The following IQCB1 variants were observed in gnomAD, a reference collection of about 807,000 sequenced individuals.
IQCB1 encodes the protein IQ motif containing B1.
A neutral mutation model predicts 84.4 loss-of-function variants in IQCB1; 56 were observed. That is an observed-to-expected ratio of 0.66 (90% CI 0.54 to 0.83). The LOEUF is 0.83. Ranked by LOEUF, IQCB1 falls within the 40% of genes least tolerant of loss-of-function variation. The pLI, the probability that IQCB1 is intolerant of heterozygous loss-of-function variation, is 0.00. For synonymous variants in IQCB1, 210 were observed against 234.8 expected (o/e 0.89, Z 0.96); for missense variants, 629 against 682.1 (o/e 0.92, Z 0.87).
intron 5 of IQCB1, among the ~76,000 whole-genome samples, chr3:121,811,171 G>A (rs1286472275): frequency 1.3e-5 from 2 of 152,098 alleles, no homozygotes; most frequent in East Asian, 3.9e-4. Flanking sequence ...CCTCACCTGG[G>A]AAGTGCAAGG....
chr3:121,783,361 C>G (rs1378264601), intron 12 of IQCB1, among the ~76,000 whole-genome samples: 1 of 151,932 alleles, frequency 6.6e-6, no homozygotes, highest in Non-Finnish European at 1.5e-5. Flanking sequence ...ATGAATTTAG[C>G]TATCTTTCAC....
At chr3:121,781,460 C>A (rs1948488467) in intron 13 of IQCB1, among the ~76,000 whole-genome samples, 1 of 152,058 alleles carries the variant, frequency 6.6e-6, no homozygotes, top group South Asian at 2.1e-4. Flanking sequence ...TTTTACAGTA[C>A]TATTGCAAAA....
intron 12 of IQCB1, among the ~76,000 whole-genome samples, chr3:121,783,668 A>G (rs1948595403): frequency 6.6e-6 from 1 of 151,968 alleles, no homozygotes; most frequent in Non-Finnish European, 1.5e-5. Context: ...CATTTTCTCG[A>G]GCTTCCTGAC....
chr3:121,798,451 T>C (rs1317534342), intron 8 of IQCB1, among the ~76,000 whole-genome samples: 3 of 151,804 alleles, frequency 2.0e-5, no homozygotes, highest in African/African-American at 4.8e-5. Context: ...AGCAAAGAAA[T>C]AAAACAAAGA....
At chr3:121,803,478 C>T (rs1270801166) in intron 7 of IQCB1, among the ~76,000 whole-genome samples, 1 of 151,644 alleles carries the variant, frequency 6.6e-6, no homozygotes, top group East Asian at 2.0e-4. Context: ...AAATGTCAAT[C>T]AGGTCAGATT....
At position 121,781,663 on chromosome 3, in the gene IQCB1, A is replaced by AT. The variant is rs1553709034; in HGVS notation, c.1410+79_1410+80insA. 2.8e-3 allele frequency: 2,933 copies of AT among 1,046,432 alleles called. 28 individuals are homozygous for AT. Among genetic ancestry groups the AT allele is most frequent in the African/African-American group, 0.02 (1,182 of 60,540 alleles). The allele number at this position is 1,046,432 out of a possible 1,614,324, so 64.8% of individuals were successfully genotyped here. On this transcript the variant is annotated intron_variant, in intron 13 of 14. Transcript: ENST00000310864. Reference sequence around the variant, plus strand: ...CACACACACACACACACACACACACAATATATGTGTGTGTGTGTACAGTTA... The same window carrying AT: ...CACACACACACACACACACACACACATATATATGTGTGTGTGTGTACAGTTA...
In IQCB1 at chr3:121,798,751, G is replaced by A. The variant is rs1406961605; in HGVS notation, c.766+445C>T. 4.6e-5 allele frequency among the ~76,000 whole-genome samples: 7 copies of A among 151,782 alleles called. No homozygotes were observed. In the East Asian group the frequency reaches 1.3e-3, roughly 29 times the overall value. ...TTCACATATGTATTTGATTTTGGAG[G>A]TAAGGCAATTTTTTTTGTTTGTTTT... On this transcript the variant is annotated intron_variant, in intron 8 of 14. Transcript: ENST00000310864.
At chr3:121,799,397 A>G (rs754107895) in intron 7 of IQCB1, 23 bp from the exon 8 acceptor site, 2 of 1,410,514 alleles carry the variant, frequency 1.4e-6, no homozygotes, top group South Asian at 1.2e-5. Context: ...AATAAAAAAA[A>G]AAGTACCATT....
chr3:121,786,207 A>AGAGAAGAGAAGAGAAGAGAAGAGAAGAG (rs1948730626), intron 12 of IQCB1, among the ~76,000 whole-genome samples: 2 of 146,508 alleles, frequency 1.4e-5, no homozygotes, highest in African/African-American at 5.2e-5. Context: ...AAAGAAAAGA[A>AGAGAAGAGAAGAGAAGAGAAGAGAAGAG]AAGAAAAGGA....
intron 7 of IQCB1, among the ~76,000 whole-genome samples, chr3:121,800,357 CAT>C (rs1190158741): frequency 6.6e-6 from 1 of 151,872 alleles, no homozygotes; most frequent in East Asian, 1.9e-4. Flanking sequence ...GTATAAGACT[CAT>C]GTTTGAGCTT....
intron 13 of IQCB1, among the ~76,000 whole-genome samples, chr3:121,777,291 CAT>C (rs986632254): frequency 6.6e-6 from 1 of 152,166 alleles, no homozygotes; most frequent in African/African-American, 2.4e-5. Flanking sequence ...GCACTGTGCA[CAT>C]GTCATTGAGT....
chr3:121,806,855 T>C (rs1335925501), intron 7 of IQCB1, among the ~76,000 whole-genome samples: 1 of 152,058 alleles, frequency 6.6e-6, no homozygotes, highest in Non-Finnish European at 1.5e-5. Flanking sequence ...AAAGAATGGA[T>C]TATTTCAATT....
At chr3:121,828,387 G>T in intron 4 of IQCB1, 83 bp downstream of exon 4, 2 of 1,197,912 alleles carry the variant, frequency 1.7e-6, no homozygotes, top group Non-Finnish European at 2.5e-6. Flanking sequence ...TGCTTGTTAG[G>T]CAGATAAATA....
chr3:121,808,344 A>G (rs371868236), intron 6 of IQCB1, among the ~76,000 whole-genome samples: 83 of 152,126 alleles, frequency 5.5e-4, no homozygotes, highest in African/African-American at 2.0e-3. Context: ...TGTTACATCT[A>G]TATTAGATGA....
intron 5 of IQCB1, among the ~76,000 whole-genome samples, chr3:121,820,171 G>A (rs1280866021): frequency 1.3e-5 from 2 of 152,062 alleles, no homozygotes; most frequent in Non-Finnish European, 2.9e-5. Flanking sequence ...GATACACAGG[G>A]TTAATGGCTA....
chr3:121,788,280 T>C lies in IQCB1; in HGVS notation c.1278+4A>G, dbSNP rs1323299386. The C allele has an allele frequency of 1.2e-6, 2 of 1,613,628 alleles. No individual in the cohort carries two copies. Among genetic ancestry groups the C allele is most frequent in the Middle Eastern group, 1.6e-4 (1 of 6,080 alleles). On this transcript the variant is annotated splice_donor_region_variant and intron_variant, in intron 12 of 14. Transcript: ENST00000310864. Reference sequence around the variant, plus strand: ...CAGAGCTCTTTTCACTACATTAGACTCACTGCTCTTTGAAGTGTGACAGCT... The same window carrying C: ...CAGAGCTCTTTTCACTACATTAGACCCACTGCTCTTTGAAGTGTGACAGCT...
Position 121,799,352 on chromosome 3 carries a change from T to C in IQCB1, c.610A>G (p.Arg204Gly). ...INSGDLLRIG[R>G]KALYSILDEV... ...TCTAAAATTGAATACAGGGCTTTTCTTCCTATTCTGAGTAAATCACCACTA... is the reference window on the plus strand; with the variant it reads ...TCTAAAATTGAATACAGGGCTTTTCCTCCTATTCTGAGTAAATCACCACTA... Residue 204 changes from arginine to glycine, a missense_variant, in exon 8 of 15, where the codon AGA (arginine) becomes GGA (glycine). Transcript: ENST00000310864. 1 of 1,594,224 alleles carries C rather than the reference T, an allele frequency of 6.3e-7. No individual in the cohort carries two copies. Among genetic ancestry groups the C allele is most frequent in the Non-Finnish European group, 8.6e-7 (1 of 1,163,828 alleles).
chr3:121,809,981 G>C (rs1420166906), intron 5 of IQCB1, among the ~76,000 whole-genome samples: 1 of 149,474 alleles, frequency 6.7e-6, no homozygotes, highest in Non-Finnish European at 1.5e-5. Context: ...TCACATTAGA[G>C]CAAGAATCCT....
chr3:121,819,016 C>T (rs1950175687), intron 5 of IQCB1, among the ~76,000 whole-genome samples: 1 of 151,938 alleles, frequency 6.6e-6, no homozygotes, highest in Non-Finnish European at 1.5e-5. Context: ...ACCTTTTTTG[C>T]ACCAGGGACC....
Sources: gnomAD v4.1 joint callset for allele counts (sites outside exome capture counted in the v4.1 genomes callset) on GRCh38, gnomAD v4.1.1 for gene constraint, MANE v1.5 for transcripts, NCBI Gene and HGNC (gene_info 2026-07-23, HGNC 2026-07-21) for gene names.